CXADR: variants seen among roughly 807,000 people sequenced by gnomAD.
CXADR encodes CXADR cell adhesion molecule.
A neutral mutation model predicts 40.3 loss-of-function variants in CXADR; 20 were observed. The ratio of observed to expected loss-of-function variants is 0.50; its 90% CI spans 0.35 to 0.72. The LOEUF (loss-of-function observed/expected upper bound fraction) is 0.72. Among genes scored for constraint, CXADR ranks in the 30% least tolerant of loss-of-function variants. The probability of loss-of-function intolerance (pLI) is 0.01; values close to 1 mark genes in which losing one functional copy is unlikely to be tolerated. For missense variants in CXADR, 332 were observed against 449.1 expected (o/e 0.74, Z 2.36); for synonymous variants, 150 against 161.3 (o/e 0.93, Z 0.53).
At chr21:17,572,207 C>CA (rs71333561), downstream of CXADR, among the ~76,000 whole-genome samples, 42,983 of 141,156 alleles carry the variant, frequency 0.3, 7,962 homozygotes, top group African/African-American at 0.54. Flanking sequence ...ACTAAAAATA[C>CA]AAAAAAAAAA....
chr21:17,516,169 G>T (rs2060459996), intron 1 of CXADR, among the ~76,000 whole-genome samples: 1 of 152,146 alleles, frequency 6.6e-6, no homozygotes, highest in Admixed American at 6.5e-5. Flanking sequence ...ACCCGAGAGG[G>T]TATTTATTAT....
intron 7 of CXADR, chr21:17,593,092 A>ATT (rs1424432047): frequency 7.8e-7 from 1 of 1,280,680 alleles, no homozygotes; most frequent in Admixed American, 3.8e-5. Context: ...GTTTTTAAAA[A>ATT]TTTACCTTTG....
chr21:17,587,277 T>C (rs1341463533), intron 7 of CXADR, among the ~76,000 whole-genome samples: 4 of 152,270 alleles, frequency 2.6e-5, no homozygotes, highest in East Asian at 1.9e-4. Flanking sequence ...CTGGGTCAAA[T>C]GGTATTTCTA....
At position 17,537,633 on chromosome 21, in the gene CXADR, T is replaced by G. The variant is rs35347986; in HGVS notation, c.44-9394T>G. On this transcript the variant is annotated intron_variant, in intron 1 of 6. Transcript: ENST00000284878. ...TCAGGGTTTACATCTAGTATCTTTC[T>G]GGGATAGGTTAAAAACACAGAAAAT... is the stretch of plus-strand genomic sequence containing the variant. Among the ~76,000 whole-genome samples, 1,197 of 152,278 alleles carry G rather than the reference T, an allele frequency of 7.9e-3. 5 individuals are homozygous for G. Among genetic ancestry groups the G allele is most frequent in the South Asian group, 0.013 (65 of 4,822 alleles).
At chr21:17,593,157 G>A in exon 8 of CXADR, 1 of 1,439,096 alleles carries the variant, frequency 6.9e-7, no homozygotes, top group South Asian at 1.6e-5. Context: ...TGTAGTTCAA[G>A]TACCCTTACA....
At position 17,536,478 on chromosome 21, in the gene CXADR, C is replaced by T. The variant is rs550222737; in HGVS notation, c.44-10549C>T. Among the ~76,000 whole-genome samples, 5 of 152,222 alleles carry T rather than the reference C, an allele frequency of 3.3e-5. No homozygotes were observed. In the South Asian group the frequency reaches 8.3e-4, roughly 25 times the overall value. ...GCCTTATGGTCCTCTCTCCCATCAC[C>T]GGTCTGCCTTCAGATAGCTCCTTCC... On this transcript the variant is annotated intron_variant, in intron 1 of 6. Coordinates refer to ENST00000284878, the MANE Select transcript of CXADR (RefSeq NM_001338.5).
chr21:17,613,851 T>C, the CXADR span: 8 of 149,326 alleles, frequency 5.4e-5, no homozygotes, highest in South Asian at 1.7e-3. Context: ...TCCTACCTTT[T>C]TATTATTATT....
chr21:17,571,636 A>C (rs917913243), downstream of CXADR, among the ~76,000 whole-genome samples: 1 of 152,234 alleles, frequency 6.6e-6, no homozygotes, highest in South Asian at 2.1e-4. Flanking sequence ...AAGCTACTCC[A>C]AGAAACTAAG....
intron 3 of CXADR, among the ~76,000 whole-genome samples, chr21:17,553,139 T>G (rs969646853): frequency 1.3e-5 from 2 of 152,082 alleles, no homozygotes; most frequent in African/African-American, 4.8e-5. Flanking sequence ...GCCAGGCTGG[T>G]CTCAAACTCC....
At chr21:17,604,188 A>G in the CXADR span, 122 of 1,233,982 alleles carry the variant, frequency 9.9e-5, no homozygotes, top group Non-Finnish European at 1.3e-4. Context: ...TCACGCCTGT[A>G]ATCCAGCGCT....
intron 1 of CXADR, among the ~76,000 whole-genome samples, chr21:17,513,382 C>A (rs1336646403): frequency 6.6e-6 from 1 of 151,538 alleles, no homozygotes; most frequent in African/African-American, 2.4e-5. Context: ...GCGCAGGGCG[C>A]GCGGAGTGCC....
intron 1 of CXADR, among the ~76,000 whole-genome samples, chr21:17,515,051 T>A (rs1267637274): frequency 1.3e-5 from 2 of 152,086 alleles, no homozygotes; most frequent in African/African-American, 4.8e-5. Context: ...GTCATTGTGC[T>A]CATAAGGTAT....
chr21:17,607,607 T>A, the CXADR span, among the ~76,000 whole-genome samples: 3 of 151,994 alleles, frequency 2.0e-5, no homozygotes, highest in Non-Finnish European at 4.4e-5. Context: ...TATGTTTACC[T>A]CCTTTTTAGA....
chr21:17,588,292 G>A (rs1232661484), intron 7 of CXADR, among the ~76,000 whole-genome samples: 2 of 152,168 alleles, frequency 1.3e-5, no homozygotes, highest in Non-Finnish European at 2.9e-5. Flanking sequence ...TAGCTTGATG[G>A]GGATGGCATT....
chr21:17,571,802 T>G (rs2123353639), downstream of CXADR, among the ~76,000 whole-genome samples: 1 of 152,326 alleles, frequency 6.6e-6, no homozygotes, highest in East Asian at 1.9e-4. Flanking sequence ...TTTGGGATAC[T>G]TCTGTGCCCT....
intron 6 of CXADR, 104 bp downstream of exon 6, chr21:17,561,580 A>T (rs1454545501): frequency 9.9e-7 from 1 of 1,010,932 alleles, no homozygotes; most frequent in Non-Finnish European, 1.4e-6. Flanking sequence ...TCTTAGGAGA[A>T]TGGGTAAAAG....
chr21:17,548,775 CTGAG>C (rs1447246297), intron 2 of CXADR, among the ~76,000 whole-genome samples: 3 of 152,232 alleles, frequency 2.0e-5, no homozygotes, highest in Non-Finnish European at 4.4e-5. Flanking sequence ...GTCGTCCATG[CTGAG>C]TGAGAGGCAC....
the CXADR span, chr21:17,609,005 T>C: frequency 6.2e-7 from 1 of 1,613,720 alleles, no homozygotes; most frequent in Non-Finnish European, 8.5e-7. Context: ...TTTTTCTGGA[T>C]ACCAGTGATT....
chr21:17,539,772 T>G (rs1419491666), intron 1 of CXADR, among the ~76,000 whole-genome samples: 1 of 152,204 alleles, frequency 6.6e-6, no homozygotes, highest in African/African-American at 2.4e-5. Flanking sequence ...GGCTAATGGA[T>G]TGAAAAGTAC....
Sources: gnomAD v4.1 joint callset for allele counts (sites outside exome capture counted in the v4.1 genomes callset) on GRCh38, gnomAD v4.1.1 for gene constraint, MANE v1.5 for transcripts, NCBI Gene and HGNC (gene_info 2026-07-23, HGNC 2026-07-21) for gene names.